The following UNC5B variants were observed in gnomAD, a reference collection of about 807,000 sequenced individuals.
UNC5B encodes the protein netrin receptor UNC5B.
Under a neutral mutation model 103.7 loss-of-function variants are expected in UNC5B, and 56 were observed. That is an observed-to-expected ratio of 0.54 (90% CI 0.44 to 0.67). The LOEUF is 0.67. Ranked by LOEUF, UNC5B falls within the 30% of genes least tolerant of loss-of-function variation. UNC5B has a pLI of 0.00. For missense variants in UNC5B, 1,194 were observed against 1,284.5 expected, an observed-to-expected ratio of 0.93 and a Z score of 1.08; for synonymous variants, 577 against 542.0, an observed-to-expected ratio of 1.06 and a Z score of -0.90.
At chr10:71,215,270 A>G (rs113347007) in intron 1 of UNC5B, among the ~76,000 whole-genome samples, 3,281 of 152,306 alleles carry the variant, frequency 0.022, 108 homozygotes, top group African/African-American at 0.071. Context: ...GATTGAAGAC[A>G]TGTGAAGGGC....
At chr10:71,257,348 T>G (rs1844313771) in intron 1 of UNC5B, among the ~76,000 whole-genome samples, 1 of 152,192 alleles carries the variant, frequency 6.6e-6, no homozygotes, top group African/African-American at 2.4e-5. Context: ...GAAGTTCAGG[T>G]TGAGAGAAAG....
At chr10:71,231,013 G>A (rs191843272) in intron 1 of UNC5B, among the ~76,000 whole-genome samples, 463 of 152,358 alleles carry the variant, frequency 3.0e-3, no homozygotes, top group Middle Eastern at 6.8e-3. Context: ...AACCCTGTCA[G>A]AGCAGAGATG....
intron 8 of UNC5B, among the ~76,000 whole-genome samples, chr10:71,290,652 AC>A (rs1206775099): frequency 2.6e-5 from 4 of 152,326 alleles, no homozygotes; most frequent in South Asian, 4.1e-4. Flanking sequence ...CAATGAATTA[AC>A]ACATGGCATG....
intron 1 of UNC5B, among the ~76,000 whole-genome samples, chr10:71,218,626 A>T (rs1283606192): frequency 6.6e-6 from 1 of 152,132 alleles, no homozygotes; most frequent in Non-Finnish European, 1.5e-5. Flanking sequence ...GCAGAGATGG[A>T]CCCTAAGCCA....
chr10:71,293,823 C>A lies in UNC5B; in HGVS notation c.2065C>A (p.Arg689Ser). The change falls in exon 13 of 17, where the codon CGC becomes AGC. Residue 689 changes from arginine to serine, a missense_variant. Coordinates refer to ENST00000335350, the MANE Select transcript of UNC5B (RefSeq NM_170744.5). ...TYVFTGESYSRSAVKRLQLAV... is the reference protein window; with the variant it reads ...TYVFTGESYSSSAVKRLQLAV... ...CGTGTTCACGGGCGAGTCCTATTCC[C>A]GCTCAGCAGTCAAGCGGCTCCAGCT... 1 of 1,611,798 alleles carries A rather than the reference C, an allele frequency of 6.2e-7. No homozygotes were observed. The highest frequency in any genetic ancestry group is 8.5e-7 in the Non-Finnish European group (1 of 1,179,398).
intron 7 of UNC5B, 86 bp downstream of exon 7, chr10:71,288,818 C>T: frequency 1.3e-6 from 2 of 1,544,568 alleles, no homozygotes. Flanking sequence ...TGCCTCAGTG[C>T]CCAGCCTGCA....
chr10:71,296,168 T>C (rs1047964813), intron 14 of UNC5B, among the ~76,000 whole-genome samples: 1 of 152,188 alleles, frequency 6.6e-6, no homozygotes, highest in African/African-American at 2.4e-5. Context: ...GGCAGCCACA[T>C]GCACACTTCT....
intron 1 of UNC5B, among the ~76,000 whole-genome samples, chr10:71,229,511 G>T (rs1843640289): frequency 6.6e-6 from 1 of 152,304 alleles, no homozygotes; most frequent in Non-Finnish European, 1.5e-5. Context: ...CCTGCTGAGG[G>T]TCTGACCTCT....
chr10:71,255,565 G>A (rs778732382), intron 1 of UNC5B, among the ~76,000 whole-genome samples: 1 of 152,190 alleles, frequency 6.6e-6, no homozygotes, highest in African/African-American at 2.4e-5. Flanking sequence ...TTAGGGACAG[G>A]CTTTACTAAG....
chr10:71,291,238 CTA>C lies in UNC5B; in HGVS notation c.1294+131_1294+132del. The C allele has an allele frequency of 3.7e-6, 5 of 1,342,432 alleles. No homozygotes were observed. The East Asian group carries it at 1.2e-4, about 31-fold the overall frequency. The allele number at this position is 1,342,432 out of a possible 1,614,324, so 83.2% of individuals were successfully genotyped here. A position where few individuals can be genotyped will look rare whatever the true frequency, so the allele number is the denominator to read the frequency against. On this transcript the variant is annotated intron_variant, in intron 9 of 16. Coordinates refer to ENST00000335350, the MANE Select transcript of UNC5B (RefSeq NM_170744.5). ...TTTCCAGAGTTTGCTCTAGAGATAA[CTA>C]TGTGGATGGGTATGGATTAGAGAAC... is the stretch of plus-strand genomic sequence containing the variant.
intron 1 of UNC5B, among the ~76,000 whole-genome samples, chr10:71,255,669 C>G (rs1382335423): frequency 6.6e-6 from 1 of 152,212 alleles, no homozygotes; most frequent in East Asian, 1.9e-4. Flanking sequence ...TTTAATATCA[C>G]CCCTGTGATC....
intron 1 of UNC5B, among the ~76,000 whole-genome samples, chr10:71,222,293 A>G (rs1843468173): frequency 7.0e-6 from 1 of 142,150 alleles, no homozygotes; most frequent in East Asian, 2.2e-4. Context: ...CTAGCAACTC[A>G]AGACTTCTAG....
intron 1 of UNC5B, among the ~76,000 whole-genome samples, chr10:71,274,299 G>A (rs188383339): frequency 3.3e-5 from 5 of 152,240 alleles, no homozygotes; most frequent in African/African-American, 1.2e-4. Context: ...GGCGGAGGTT[G>A]CAGTGAGCCG....
chr10:71,222,058 C>T (rs1843463087), intron 1 of UNC5B, among the ~76,000 whole-genome samples: 1 of 152,108 alleles, frequency 6.6e-6, no homozygotes, highest in African/African-American at 2.4e-5. Flanking sequence ...AGGGAAATGT[C>T]TGGATGTTGA....
chr10:71,296,838 CGG>C, intron 15 of UNC5B, 96 bp downstream of exon 15: 4 of 602,572 alleles, frequency 6.6e-6, no homozygotes, highest in Non-Finnish European at 1.2e-5. Context: ...ACCACGCTGG[CGG>C]AGGTGAGGGA....
At position 71,251,794 on chromosome 10, in the gene UNC5B, A is replaced by G. The variant is rs1407277728; in HGVS notation, c.80-28027A>G. Among the ~76,000 whole-genome samples, 3 of 152,332 alleles carry G rather than the reference A, an allele frequency of 2.0e-5. No homozygotes were observed. The East Asian group carries it at 5.8e-4, about 29-fold the overall frequency. On this transcript the variant is annotated intron_variant, in intron 1 of 16. Transcript: ENST00000335350. ...GTCTCAGTGCCACAGGCTGAAGCAC[A>G]CACAGGGAAGAATTGAGGATATTTA... is the stretch of plus-strand genomic sequence containing the variant.
At position 71,291,099 on chromosome 10, in the gene UNC5B, G is replaced by A. The variant is rs775772181; in HGVS notation, c.1284G>A (p.Thr428=). The A allele has an allele frequency of 6.3e-5, 101 of 1,613,246 alleles. No individual in the cohort carries two copies. Among genetic ancestry groups the A allele is most frequent in the Non-Finnish European group, 7.3e-5 (86 of 1,179,468 alleles). ...GTTTCCACCCCGTCAACTTTAAGAC[G>A]GCAAGGCCCAGTAAGAACCCGAGGA... ...TGGFHPVNFK[T]ARPSNPQLLH... Residue 428 remains threonine (T), a synonymous_variant, in exon 9 of 17, where the codon ACG becomes ACA. Coordinates refer to ENST00000335350, the MANE Select transcript of UNC5B (RefSeq NM_170744.5).
intron 1 of UNC5B, among the ~76,000 whole-genome samples, chr10:71,226,866 A>G (rs1843574404): frequency 6.6e-6 from 1 of 152,258 alleles, no homozygotes; most frequent in East Asian, 1.9e-4. Flanking sequence ...ATAGGAATTA[A>G]GGGATACTTT....
At chr10:71,275,284 C>T (rs1040221091) in intron 1 of UNC5B, among the ~76,000 whole-genome samples, 1 of 152,204 alleles carries the variant, frequency 6.6e-6, no homozygotes, top group Non-Finnish European at 1.5e-5. Context: ...TGGGAATTTT[C>T]CTGCCAGCAG....
Sources: allele counts gnomAD v4.1 joint callset (sites outside exome capture counted in the v4.1 genomes callset), GRCh38; gene constraint gnomAD v4.1.1; transcripts MANE v1.5; gene names NCBI Gene and HGNC (gene_info 2026-07-23, HGNC 2026-07-21).